DEFB129: variants seen among roughly 807,000 people sequenced by gnomAD.
The protein encoded by DEFB129 is beta-defensin 129.
A neutral mutation model predicts 2.5 loss-of-function variants in DEFB129; 2 were observed. The observed-to-expected ratio is 0.80, with a 90% CI of 0.33 to 2.53. The LOEUF is 2.53. Ranked by LOEUF, DEFB129 falls within the 30% of genes most tolerant of loss-of-function variation. The pLI, the probability that DEFB129 is intolerant of heterozygous loss-of-function variation, is 0.11. For synonymous variants in DEFB129, 76 were observed against 74.4 expected (o/e 1.02, Z -0.11); for missense variants, 177 against 216.9 (o/e 0.82, Z 1.16).
rs1172313562 is a variant in DEFB129, at chr20:229,834, G to T, written c.*63G>T. 1 of 1,536,520 alleles carries T rather than the reference G, an allele frequency of 6.5e-7. No individual in the cohort carries two copies. Among genetic ancestry groups the T allele is most frequent in the Admixed American group, 1.9e-5 (1 of 52,032 alleles). ...TTTTTGCTATCTATAAAATGACATAGAACTGTTTCCTCTGTCATCAGTCAT... is the reference window on the plus strand; with the variant it reads ...TTTTTGCTATCTATAAAATGACATATAACTGTTTCCTCTGTCATCAGTCAT... On this transcript the variant is annotated 3_prime_UTR_variant, in exon 2 of 2. Coordinates refer to ENST00000246105, the MANE Select transcript of DEFB129 (RefSeq NM_080831.4).
chr20:228,737 TAGAGTGTCCAA>T (rs1568480290), intron 1 of DEFB129, among the ~76,000 whole-genome samples: 2 of 152,290 alleles, frequency 1.3e-5, no homozygotes, highest in African/African-American at 4.8e-5. Context: ...TTCTGAGAGA[TAGAGTGTCCAA>T]AGAGGCTAGA....
At position 227,962 on chromosome 20, in the gene DEFB129, C is replaced by CA. The variant is rs113262945; in HGVS notation, c.58+625dup. Among the ~76,000 whole-genome samples the CA allele has an allele frequency of 1.8e-3, 267 of 150,484 alleles. 4 individuals are homozygous for CA. Among genetic ancestry groups the CA allele is most frequent in the African/African-American group, 5.9e-3 (243 of 41,042 alleles). The stretch of plus-strand genomic sequence containing the variant: ...AAGGAGGAAGTTCTTCCCTCATGCT[C>CA]AAAAAAAAACCCTTTCAAGATCAAG... On this transcript the variant is annotated intron_variant, in intron 1 of 1. Coordinates refer to ENST00000246105, the MANE Select transcript of DEFB129 (RefSeq NM_080831.4).
At chr20:228,945 G>A (rs1158109486) in intron 1 of DEFB129, among the ~76,000 whole-genome samples, 2 of 152,174 alleles carry the variant, frequency 1.3e-5, no homozygotes, top group Admixed American at 1.3e-4. Context: ...AGATTATGGA[G>A]ATGGGATAGT....
Position 229,285 on chromosome 20 carries a change from T to C in DEFB129, c.66T>C (p.Ile22=). Residue 22 remains isoleucine (I), a synonymous_variant, in exon 2 of 2, where the codon ATT becomes ATC. Transcript: ENST00000246105. The part of the protein sequence containing the change: ...MLQYQVNTEF[I]GLRRCLMGLG... ...TTCTCTTTTTTTATACAGAATTTATTGGCTTGAGACGCTGTTTAATGGGTT... is the reference window on the plus strand; with the variant it reads ...TTCTCTTTTTTTATACAGAATTTATCGGCTTGAGACGCTGTTTAATGGGTT... 1 of 1,572,320 alleles carries C rather than the reference T, an allele frequency of 6.4e-7. No individual in the cohort carries two copies. Among genetic ancestry groups the C allele is most frequent in the Non-Finnish European group, 8.6e-7 (1 of 1,164,908 alleles).
In DEFB129 at chr20:229,284, T is replaced by C; in HGVS notation, c.65T>C (p.Ile22Thr). 6.4e-7 allele frequency: 1 copy of C among 1,571,672 alleles called. No individual in the cohort carries two copies. Among genetic ancestry groups the C allele is most frequent in the East Asian group, 2.2e-5 (1 of 44,680 alleles). ...TTTCTCTTTTTTTATACAGAATTTA[T>C]TGGCTTGAGACGCTGTTTAATGGGT... is the stretch of plus-strand genomic sequence containing the variant. ...MLQYQVNTEFIGLRRCLMGLG... is the reference protein window; with the variant it reads ...MLQYQVNTEFTGLRRCLMGLG... The change falls in exon 2 of 2, where the codon ATT becomes ACT. Residue 22 changes from isoleucine (I) to threonine (T), a missense_variant. Physicochemically the swap from Ile to Thr is moderately conservative, Grantham distance 89. Coordinates refer to ENST00000246105, the MANE Select transcript of DEFB129 (RefSeq NM_080831.4).
At chr20:228,139 A>G (rs981299205) in intron 1 of DEFB129, among the ~76,000 whole-genome samples, 1 of 152,220 alleles carries the variant, frequency 6.6e-6, no homozygotes, top group Non-Finnish European at 1.5e-5. Flanking sequence ...GGGATTAACC[A>G]TTGTTTTTGG....
In DEFB129 at chr20:227,299, T is replaced by G; in HGVS notation, c.11T>G (p.Leu4Arg). 1 of 1,613,724 alleles carries G rather than the reference T, an allele frequency of 6.2e-7. No homozygotes were observed. Among genetic ancestry groups the G allele is most frequent in the Non-Finnish European group, 8.5e-7 (1 of 1,179,706 alleles). Residue 4 changes from leucine to arginine, a missense_variant, in exon 1 of 2, where the codon CTT becomes CGT. Leu to Arg is a moderately radical substitution (Grantham distance 102, BLOSUM62 -2). Transcript: ENST00000246105. MKL[L>R]FPIFASLMLQ... ...CTCTGGCACCCAACCATGAAGCTCC[T>G]TTTTCCTATCTTTGCCAGCCTCATG...
chr20:229,806 C>T lies in DEFB129; in HGVS notation c.*35C>T. ...TTCCCTTAAAACTCCAAGTTCCTCTCTATTTTTGCTATCTATAAAATGACA... is the reference window on the plus strand; with the variant it reads ...TTCCCTTAAAACTCCAAGTTCCTCTTTATTTTTGCTATCTATAAAATGACA... On this transcript the variant is annotated 3_prime_UTR_variant, in exon 2 of 2. Coordinates refer to ENST00000246105, the MANE Select transcript of DEFB129 (RefSeq NM_080831.4). 2 of 1,572,746 alleles carry T rather than the reference C, an allele frequency of 1.3e-6. No homozygotes were observed. Among genetic ancestry groups the T allele is most frequent in the South Asian group, 2.3e-5 (2 of 85,226 alleles).
At position 229,207 on chromosome 20, in the gene DEFB129, T is replaced by C. The variant is rs1247918541; in HGVS notation, c.59-71T>C. The C allele has an allele frequency of 6.0e-6, 9 of 1,511,336 alleles. No individual in the cohort carries two copies. The East Asian group carries it at 1.8e-4, about 30-fold the overall frequency. 93.6% of individuals were successfully genotyped at this position (1,511,336 alleles called of 1,614,324 possible). On this transcript the variant is annotated intron_variant, in intron 1 of 1. Coordinates refer to ENST00000246105, the MANE Select transcript of DEFB129 (RefSeq NM_080831.4). Reference sequence around the variant, plus strand: ...TAAACTCTCTCTTAGTCTATCCATCTCCCACTAGCAGTTTTAACATCATCT... The same window carrying C: ...TAAACTCTCTCTTAGTCTATCCATCCCCCACTAGCAGTTTTAACATCATCT...
intron 1 of DEFB129, among the ~76,000 whole-genome samples, chr20:227,794 C>T (rs571656734): frequency 3.9e-5 from 6 of 152,192 alleles, no homozygotes; most frequent in South Asian, 2.1e-4. Flanking sequence ...ACCAACCCAT[C>T]GCCCAGGTAT....
At chr20:227,372 T>C (rs200846895) in intron 1 of DEFB129, 26 bp downstream of exon 1, 10 of 1,613,414 alleles carry the variant, frequency 6.2e-6, no homozygotes, top group Non-Finnish European at 7.6e-6. Flanking sequence ...AAGTTTAAGA[T>C]GGGTAGATGA....
In DEFB129 at chr20:227,318, C is replaced by A. The variant is rs775599865; in HGVS notation, c.30C>A (p.Ser10Arg). 1 of 1,614,120 alleles carries A rather than the reference C, an allele frequency of 6.2e-7. No individual in the cohort carries two copies. The highest frequency in any genetic ancestry group is 1.3e-5 in the African/African-American group (1 of 75,032). Residue 10 changes from serine to arginine, a missense_variant, in exon 1 of 2, where the codon AGC becomes AGA. Physicochemically the swap from Ser to Arg is moderately radical, Grantham distance 110. Transcript: ENST00000246105. MKLLFPIFASLMLQYQVNTE... is the reference protein window; with the variant it reads MKLLFPIFARLMLQYQVNTE... ...AGCTCCTTTTTCCTATCTTTGCCAG[C>A]CTCATGCTACAGTACCAGGTGAACA... is the stretch of plus-strand genomic sequence containing the variant.
intron 1 of DEFB129, 110 bp downstream of exon 1, chr20:227,456 A>C: frequency 8.0e-7 from 1 of 1,246,418 alleles, no homozygotes; most frequent in Non-Finnish European, 1.2e-6. Context: ...GCTGTTCAAA[A>C]AGATGGCTAA....
In DEFB129 at chr20:229,777, A is replaced by C. The variant is rs772706725; in HGVS notation, c.*6A>C. 10 of 1,598,714 alleles carry C rather than the reference A, an allele frequency of 6.3e-6. No homozygotes were observed. Among genetic ancestry groups the C allele is most frequent in the South Asian group, 1.1e-5 (1 of 89,924 alleles). ...AGGAAGCAGAAGAGCAGTAATGTGG[A>C]TCTTTCCCTTAAAACTCCAAGTTCC... On this transcript the variant is annotated 3_prime_UTR_variant, in exon 2 of 2. Coordinates refer to ENST00000246105, the MANE Select transcript of DEFB129 (RefSeq NM_080831.4).
In DEFB129 at chr20:229,692, C is replaced by CCT; in HGVS notation, c.475_476dup (p.Pro160ArgfsTer19). On this transcript the variant is annotated frameshift_variant, in exon 2 of 2. Transcript: ENST00000246105. LOFTEE classifies it low-confidence loss of function (END_TRUNC). ...AAAGAAAGCAGAGATTCTGCCACTG[C>CCT]CTCGCCACCACCAGCACCACCTCCA... The CCT allele has an allele frequency of 6.2e-7, 1 of 1,613,964 alleles. No homozygotes were observed. Among genetic ancestry groups the CCT allele is most frequent in the Non-Finnish European group, 8.5e-7 (1 of 1,180,016 alleles).
In DEFB129 at chr20:227,462, G is replaced by A. The variant is rs2011293940; in HGVS notation, c.58+116G>A. On this transcript the variant is annotated intron_variant, in intron 1 of 1. Coordinates refer to ENST00000246105, the MANE Select transcript of DEFB129 (RefSeq NM_080831.4). ...GAAAGATTAGCTGTTCAAAAAGATG[G>A]CTAAAGAGCTTACCTATTGTATCAG... 3 of 1,213,514 alleles carry A rather than the reference G, an allele frequency of 2.5e-6. No homozygotes were observed. The East Asian group carries it at 7.0e-5, about 28-fold the overall frequency. 75.2% of individuals were successfully genotyped at this position (1,213,514 alleles called of 1,614,324 possible). A position where few individuals can be genotyped will look rare whatever the true frequency, so the allele number is the denominator to read the frequency against.
chr20:227,317 G>C lies in DEFB129; in HGVS notation c.29G>C (p.Ser10Thr). The change falls in exon 1 of 2, where the codon AGC becomes ACC. Residue 10 changes from serine to threonine, a missense_variant. Physicochemically the swap from Ser to Thr is moderately conservative, Grantham distance 58. Transcript: ENST00000246105. MKLLFPIFA[S>T]LMLQYQVNTE... ...AAGCTCCTTTTTCCTATCTTTGCCA[G>C]CCTCATGCTACAGTACCAGGTGAAC... The C allele has an allele frequency of 1.2e-6, 2 of 1,614,134 alleles. No individual in the cohort carries two copies. Among genetic ancestry groups the C allele is most frequent in the Non-Finnish European group, 1.7e-6 (2 of 1,179,984 alleles).
Position 229,842 on chromosome 20 carries a change from T to C in DEFB129, c.*71T>C, listed in dbSNP as rs183049966. ...ATCTATAAAATGACATAGAACTGTT[T>C]CCTCTGTCATCAGTCATTCAATAAA... On this transcript the variant is annotated 3_prime_UTR_variant, in exon 2 of 2. Coordinates refer to ENST00000246105, the MANE Select transcript of DEFB129 (RefSeq NM_080831.4). The C allele has an allele frequency of 6.6e-7, 1 of 1,518,628 alleles. No homozygotes were observed. The highest frequency in any genetic ancestry group is 2.3e-5 in the East Asian group (1 of 43,126). 94.1% of individuals were successfully genotyped at this position (1,518,628 alleles called of 1,614,324 possible).
At position 227,307 on chromosome 20, in the gene DEFB129, A is replaced by G. The variant is rs2011292497; in HGVS notation, c.19A>G (p.Ile7Val). The G allele has an allele frequency of 6.2e-7, 1 of 1,613,988 alleles. No homozygotes were observed. Among genetic ancestry groups the G allele is most frequent in the Admixed American group, 1.7e-5 (1 of 59,990 alleles). ...CCCAACCATGAAGCTCCTTTTTCCT[A>G]TCTTTGCCAGCCTCATGCTACAGTA... MKLLFP[I>V]FASLMLQYQV... is the part of the protein sequence containing the mutation. The change falls in exon 1 of 2, where the codon ATC becomes GTC. Residue 7 changes from isoleucine to valine, a missense_variant. By Grantham distance (29) the Ile-to-Val change is conservative. Coordinates refer to ENST00000246105, the MANE Select transcript of DEFB129 (RefSeq NM_080831.4).
Sources: gnomAD v4.1 joint callset for allele counts (sites outside exome capture counted in the v4.1 genomes callset) on GRCh38, gnomAD v4.1.1 for gene constraint, MANE v1.5 for transcripts, NCBI Gene and HGNC (gene_info 2026-07-23, HGNC 2026-07-21) for gene names.